Variants in FPR3 observed in about 807,000 individuals in gnomAD.
The protein encoded by FPR3 is N-formyl peptide receptor 3.
For missense variants in FPR3, 346 were observed against 443.2 expected, an observed-to-expected ratio of 0.78 and a Z score of 1.97; for synonymous variants, 135 against 163.6, an observed-to-expected ratio of 0.83 and a Z score of 1.34.
intron 1 of FPR3, among the ~76,000 whole-genome samples, chr19:51,820,023 T>C (rs1266993783): frequency 1.3e-5 from 2 of 152,170 alleles, no homozygotes; most frequent in African/African-American, 4.8e-5. Flanking sequence ...CAAGGGCACG[T>C]AAATTGAGGG....
intron 1 of FPR3, among the ~76,000 whole-genome samples, chr19:51,820,951 C>G (rs1046100864): frequency 6.6e-6 from 1 of 152,190 alleles, no homozygotes; most frequent in Admixed American, 6.5e-5. Flanking sequence ...AGGAGAAGCT[C>G]TTGGCATGTG....
intron 1 of FPR3, chr19:51,817,552 T>A (rs1342501535): frequency 6.6e-6 from 1 of 151,944 alleles, no homozygotes; most frequent in South Asian, 2.1e-4. Flanking sequence ...CTATTCCCAC[T>A]GTATGGAAAA....
intron 1 of FPR3, among the ~76,000 whole-genome samples, chr19:51,797,190 G>A (rs1422424259): frequency 1.3e-5 from 2 of 152,162 alleles, no homozygotes; most frequent in Non-Finnish European, 2.9e-5. Flanking sequence ...GCAGCCTGGG[G>A]GTCATAAGCA....
At chr19:51,814,441 CG>C (rs1473907378) in intron 1 of FPR3, among the ~76,000 whole-genome samples, 1 of 152,094 alleles carries the variant, frequency 6.6e-6, no homozygotes, top group Non-Finnish European at 1.5e-5. Flanking sequence ...TATTGGATAA[CG>C]GGTACTCTCT....
At chr19:51,816,812 T>C (rs2122470166) in intron 1 of FPR3, among the ~76,000 whole-genome samples, 1 of 152,292 alleles carries the variant, frequency 6.6e-6, no homozygotes, top group East Asian at 1.9e-4. Flanking sequence ...CATTGTAGGA[T>C]AGACAGTGGT....
In FPR3 at chr19:51,821,425, A is replaced by T. The variant is rs566056161; in HGVS notation, c.-10-2314A>T. On this transcript the variant is annotated intron_variant, in intron 1 of 1. Transcript: ENST00000339223. ...GGAGTTGCTACTAGCATCGGTGGAT[A>T]GAGGCCAGGGGTGTTGCTAAATATC... Among the ~76,000 whole-genome samples, 195 of 152,270 alleles carry T rather than the reference A, an allele frequency of 1.3e-3. 1 individual carries two copies. The highest frequency in any genetic ancestry group is 4.5e-3 in the African/African-American group (186 of 41,556).
At chr19:51,801,592 C>T (rs2084027064) in intron 1 of FPR3, among the ~76,000 whole-genome samples, 1 of 152,124 alleles carries the variant, frequency 6.6e-6, no homozygotes, top group African/African-American at 2.4e-5. Flanking sequence ...ATCAGCCTGG[C>T]CAACATGGTG....
At chr19:51,817,730 C>T (rs893722136) in intron 1 of FPR3, 2 of 152,170 alleles carry the variant, frequency 1.3e-5, no homozygotes, top group African/African-American at 4.8e-5. Context: ...CCAATAAAAA[C>T]TTTACACTAA....
chr19:51,813,060 A>G (rs1422797314), intron 1 of FPR3, among the ~76,000 whole-genome samples: 3 of 150,366 alleles, frequency 2.0e-5, no homozygotes, highest in African/African-American at 7.3e-5. Context: ...TGGAGGTTGC[A>G]ATGGGCCGAG....
intron 1 of FPR3, among the ~76,000 whole-genome samples, chr19:51,796,762 G>T (rs886265065): frequency 6.6e-6 from 1 of 152,174 alleles, no homozygotes; most frequent in African/African-American, 2.4e-5. Context: ...AAGAGTGGCA[G>T]GTCTGGGAGG....
chr19:51,803,506 T>C (rs1213106340), intron 1 of FPR3, among the ~76,000 whole-genome samples: 1 of 152,034 alleles, frequency 6.6e-6, no homozygotes, highest in Non-Finnish European at 1.5e-5. Context: ...CTCATTCTTC[T>C]CGTCTTCTCT....
chr19:51,805,796 G>C (rs558528935), intron 1 of FPR3, among the ~76,000 whole-genome samples: 1 of 152,122 alleles, frequency 6.6e-6, no homozygotes, highest in African/African-American at 2.4e-5. Context: ...CCAAGGAAAC[G>C]ATAGCAAAAA....
At chr19:51,797,334 G>A (rs771260088) in intron 1 of FPR3, among the ~76,000 whole-genome samples, 17 of 152,156 alleles carry the variant, frequency 1.1e-4, no homozygotes, top group Non-Finnish European at 2.1e-4. Context: ...TGGAAATTCT[G>A]TCTTACAGAC....
At chr19:51,811,878 T>C (rs1254812143) in intron 1 of FPR3, among the ~76,000 whole-genome samples, 3 of 152,186 alleles carry the variant, frequency 2.0e-5, no homozygotes, top group Non-Finnish European at 4.4e-5. Flanking sequence ...TGCTGTTTGA[T>C]CATATAGCCT....
chr19:51,810,904 C>T (rs2084092093), intron 1 of FPR3, among the ~76,000 whole-genome samples: 1 of 152,166 alleles, frequency 6.6e-6, no homozygotes, highest in Non-Finnish European at 1.5e-5. Flanking sequence ...CCTAGGGGCT[C>T]TCCAGCTATG....
In FPR3 at chr19:51,824,871, T is replaced by G. The variant is rs1454604748; in HGVS notation, c.*61T>G. On this transcript the variant is annotated 3_prime_UTR_variant, in exon 2 of 2. Transcript: ENST00000339223. The surrounding 1 kb of genome is among the most constrained non-coding windows in gnomAD (Gnocchi z 4.7). ...CCTGCGTTAAGCGGAAAAAAAAAAT[T>G]CTGACAGTGTTTTTCTTCCTCTTTC... 7.5e-7 allele frequency: 1 copy of G among 1,330,382 alleles called. No individual in the cohort carries two copies. Among genetic ancestry groups the G allele is most frequent in the East Asian group, 2.5e-5 (1 of 39,858 alleles). The allele number at this position is 1,330,382 out of a possible 1,614,324, so 82.4% of individuals were successfully genotyped here. A position where few individuals can be genotyped will look rare whatever the true frequency, so the allele number is the denominator to read the frequency against.
At chr19:51,823,712 G>C (rs753706002) in intron 1 of FPR3, 27 bp from the exon 2 acceptor site, 31 of 1,509,110 alleles carry the variant, frequency 2.1e-5, no homozygotes, top group Non-Finnish European at 2.7e-6. Context: ...TCACAGCTGA[G>C]AAATGGCCAT....
chr19:51,824,916 C>T lies in FPR3; in HGVS notation c.*106C>T. On this transcript the variant is annotated 3_prime_UTR_variant, in exon 2 of 2. Coordinates refer to ENST00000339223, the MANE Select transcript of FPR3 (RefSeq NM_002030.5). The surrounding 1 kb of genome is among the most constrained non-coding windows in gnomAD (Gnocchi z 4.7). ...TCTTTCATACCACCACCACCACAAT[C>T]ATCAACATAAAGGAAGTCTGTACCA... 5.7e-6 allele frequency: 5 copies of T among 877,974 alleles called. No individual in the cohort carries two copies. The highest frequency in any genetic ancestry group is 5.4e-5 in the South Asian group (3 of 55,660). The allele number at this position is 877,974 out of a possible 1,614,324, so 54.4% of individuals were successfully genotyped here. A position where few individuals can be genotyped will look rare whatever the true frequency, so the allele number is the denominator to read the frequency against.
intron 1 of FPR3, among the ~76,000 whole-genome samples, chr19:51,814,728 G>A (rs916695329): frequency 6.6e-6 from 1 of 151,776 alleles, no homozygotes; most frequent in African/African-American, 2.4e-5. Flanking sequence ...TCCTGACTCG[G>A]GTGATCTGCC....
Sources: allele counts gnomAD v4.1 joint callset (sites outside exome capture counted in the v4.1 genomes callset), GRCh38; gene constraint gnomAD v4.1.1; non-coding constraint Gnocchi (gnomAD v3.1); transcripts MANE v1.5; gene names NCBI Gene and HGNC (gene_info 2026-07-23, HGNC 2026-07-21).